Variants in GPC5 observed in about 807,000 individuals in gnomAD.
GPC5 encodes glypican-5.
Under a neutral mutation model 53.9 loss-of-function variants are expected in GPC5, and 47 were observed. The ratio of observed to expected loss-of-function variants is 0.87; its 90% CI spans 0.69 to 1.11. The LOEUF (loss-of-function observed/expected upper bound fraction) is 1.11, where lower values mean the gene tolerates loss of function less well. GPC5 is among the 50% of genes most tolerant of loss of function. GPC5 has a pLI of 0.00. For missense variants in GPC5, 748 were observed against 713.1 expected (o/e 1.05, Z -0.56); for synonymous variants, 286 against 263.3 (o/e 1.09, Z -0.84).
At chr13:91,970,168 G>A (rs566053903) in intron 6 of GPC5, among the ~76,000 whole-genome samples, 1 of 152,242 alleles carries the variant, frequency 6.6e-6, no homozygotes, top group African/African-American at 2.4e-5. Flanking sequence ...AATAAGCCAG[G>A]CACAGAGAGA....
At chr13:92,382,349 C>T (rs919708711) in intron 7 of GPC5, among the ~76,000 whole-genome samples, 2 of 151,958 alleles carry the variant, frequency 1.3e-5, no homozygotes, top group Admixed American at 6.6e-5. Context: ...CACCTGTACC[C>T]CCAATAACTT....
At chr13:92,248,016 GA>G (rs894653107) in intron 7 of GPC5, among the ~76,000 whole-genome samples, 5 of 151,782 alleles carry the variant, frequency 3.3e-5, no homozygotes, top group Admixed American at 1.3e-4. Flanking sequence ...AACACTATGA[GA>G]AAAAAAATGA....
At chr13:92,617,159 G>A (rs1884716232) in intron 7 of GPC5, among the ~76,000 whole-genome samples, 1 of 152,038 alleles carries the variant, frequency 6.6e-6, no homozygotes, top group Admixed American at 6.6e-5. Context: ...AAGGACTTTG[G>A]AACATCTCTG....
intron 2 of GPC5, among the ~76,000 whole-genome samples, chr13:91,646,218 C>T (rs1181333398): frequency 6.6e-6 from 1 of 152,066 alleles, no homozygotes; most frequent in Non-Finnish European, 1.5e-5. Flanking sequence ...ATTGATCTTT[C>T]CCTAAAATAT....
At chr13:91,914,070 T>G (rs1459147135) in intron 6 of GPC5, among the ~76,000 whole-genome samples, 1 of 152,194 alleles carries the variant, frequency 6.6e-6, no homozygotes, top group Non-Finnish European at 1.5e-5. Context: ...TTGGTCATAT[T>G]ATGTTTGTTT....
At chr13:92,122,740 CT>C (rs3058805) in intron 6 of GPC5, among the ~76,000 whole-genome samples, 2,398 of 67,086 alleles carry the variant, frequency 0.036, 96 homozygotes, top group African/African-American at 0.12. Flanking sequence ...ATAGGTCAGT[CT>C]TTTTTTTTTT....
intron 5 of GPC5, among the ~76,000 whole-genome samples, chr13:91,770,696 CTGTGTGTT>C (rs1234732974): frequency 2.3e-4 from 19 of 82,640 alleles, no homozygotes; most frequent in African/African-American, 6.6e-4. Context: ...ACTGGGGAGA[CTGTGTGTT>C]TGTGTGTGTG....
chr13:91,898,444 C>T (rs187218355), intron 5 of GPC5, among the ~76,000 whole-genome samples: 37 of 152,206 alleles, frequency 2.4e-4, no homozygotes, highest in Admixed American at 1.5e-3. Context: ...TAGGTCTTCG[C>T]GTATAATTGT....
intron 7 of GPC5, among the ~76,000 whole-genome samples, chr13:92,482,023 T>G (rs1378369382): frequency 6.6e-6 from 1 of 151,754 alleles, no homozygotes; most frequent in East Asian, 1.9e-4. Flanking sequence ...CCCAGGTACT[T>G]GGGAGGCTTA....
intron 5 of GPC5, among the ~76,000 whole-genome samples, chr13:91,824,870 G>A (rs1594597825): frequency 6.6e-6 from 1 of 151,974 alleles, no homozygotes; most frequent in East Asian, 1.9e-4. Flanking sequence ...CACTTTCTAT[G>A]TACATTAGAT....
intron 3 of GPC5, among the ~76,000 whole-genome samples, chr13:91,708,814 C>T (rs2036165059): frequency 6.6e-6 from 1 of 152,124 alleles, no homozygotes; most frequent in Non-Finnish European, 1.5e-5. Flanking sequence ...TGTTGGCATA[C>T]TCTTTCTGAG....
intron 7 of GPC5, among the ~76,000 whole-genome samples, chr13:92,354,728 T>G (rs990558428): frequency 1.3e-5 from 2 of 152,128 alleles, no homozygotes; most frequent in Non-Finnish European, 2.9e-5. Flanking sequence ...GGATTTAAGC[T>G]GAGATCTGAC....
chr13:92,421,366 A>G (rs1468034837), intron 7 of GPC5, among the ~76,000 whole-genome samples: 1 of 152,142 alleles, frequency 6.6e-6, no homozygotes, highest in East Asian at 1.9e-4. Flanking sequence ...CTATTCTCAC[A>G]TTGTTATAAA....
intron 6 of GPC5, among the ~76,000 whole-genome samples, chr13:91,947,040 C>T (rs923104679): frequency 2.6e-5 from 4 of 152,090 alleles, no homozygotes; most frequent in East Asian, 1.9e-4. Flanking sequence ...CATCTGTTCA[C>T]GCAGGGCTTT....
At position 91,498,101 on chromosome 13, in the gene GPC5, C is replaced by T. The variant is rs1456107797; in HGVS notation, c.325+49179C>T. Among the ~76,000 whole-genome samples the T allele has an allele frequency of 2.1e-5, 3 of 146,280 alleles. No homozygotes were observed. The Admixed American group carries it at 2.1e-4, about 10-fold the overall frequency. ...TTTTAATCTTAGATTTTTTTTTTCT[C>T]CCGCTTAATGCTTTTCACCCCCCTA... On this transcript the variant is annotated intron_variant, in intron 2 of 7. Transcript: ENST00000377067.
chr13:91,578,117 C>T (rs1037821709), intron 2 of GPC5, among the ~76,000 whole-genome samples: 1 of 152,140 alleles, frequency 6.6e-6, no homozygotes, highest in Non-Finnish European at 1.5e-5. Flanking sequence ...ATCCAGGGAC[C>T]AAAGCTTCCT....
chr13:92,032,443 AT>A (rs199992831), intron 6 of GPC5, among the ~76,000 whole-genome samples: 6 of 150,122 alleles, frequency 4.0e-5, no homozygotes, highest in African/African-American at 1.5e-4. Context: ...GGAAATAAAA[AT>A]TTAAAAAAAA....
chr13:91,655,315 G>A (rs2034819383), intron 2 of GPC5, among the ~76,000 whole-genome samples: 1 of 152,028 alleles, frequency 6.6e-6, no homozygotes, highest in Non-Finnish European at 1.5e-5. Flanking sequence ...GTACACATAT[G>A]TATGTATACT....
intron 6 of GPC5, chr13:91,996,164 G>T (rs2040502147): frequency 6.6e-6 from 1 of 152,200 alleles, no homozygotes; most frequent in Non-Finnish European, 1.5e-5. Context: ...CTGAGCTCTA[G>T]ATATTGATGT....
Sources: gnomAD v4.1 joint callset for allele counts (sites outside exome capture counted in the v4.1 genomes callset) on GRCh38, gnomAD v4.1.1 for gene constraint, MANE v1.5 for transcripts, NCBI Gene and HGNC (gene_info 2026-07-23, HGNC 2026-07-21) for gene names.